The following TPCN2 variants were observed in gnomAD, a reference collection of about 807,000 sequenced individuals.
The protein encoded by TPCN2 is two pore channel protein 2.
A neutral mutation model predicts 111.4 loss-of-function variants in TPCN2; 92 were observed. That is an observed-to-expected ratio of 0.83 (90% CI 0.70 to 0.98). TPCN2 has a LOEUF of 0.98. TPCN2 is among the 50% of genes least tolerant of loss of function. The probability of loss-of-function intolerance (pLI) is 0.00; values close to 1 mark genes in which losing one functional copy is unlikely to be tolerated. For missense variants in TPCN2, 995 were observed against 980.1 expected, an observed-to-expected ratio of 1.02 and a Z score of -0.20; for synonymous variants, 405 against 414.5, an observed-to-expected ratio of 0.98 and a Z score of 0.28.
At chr11:69,084,067 T>TGGGAGGCTGGC in intron 19 of TPCN2, 51 bp downstream of exon 19, 1 of 1,586,956 alleles carries the variant, frequency 6.3e-7, no homozygotes, top group Non-Finnish European at 8.7e-7. Flanking sequence ...AGTGGGAGGC[T>TGGGAGGCTGGC]GGGAGGCTGG....
chr11:69,071,554 T>A, intron 10 of TPCN2, 134 bp downstream of exon 10: 1 of 764,224 alleles, frequency 1.3e-6, no homozygotes, highest in Non-Finnish European at 2.2e-6. Context: ...TTGCCACCTC[T>A]TGTGGATCAG....
At chr11:69,064,127 G>A (rs1278261533) in intron 7 of TPCN2, among the ~76,000 whole-genome samples, 160 bp downstream of exon 7, 4 of 152,062 alleles carry the variant, frequency 2.6e-5, no homozygotes, top group Non-Finnish European at 5.9e-5. Flanking sequence ...CCTTTGGGTG[G>A]CCACAGTGCT....
At chr11:69,052,702 G>A (rs147862660) in intron 1 of TPCN2, among the ~76,000 whole-genome samples, 1 of 152,288 alleles carries the variant, frequency 6.6e-6, no homozygotes, top group East Asian at 1.9e-4. Context: ...CAGGAGCCCC[G>A]AGGACAGGGG....
intron 22 of TPCN2, among the ~76,000 whole-genome samples, chr11:69,086,245 C>T (rs1856268016): frequency 6.6e-6 from 1 of 152,188 alleles, no homozygotes. Context: ...CGAGATAGTT[C>T]AGCTCTGAGC....
chr11:69,074,847 C>G (rs920492539), intron 13 of TPCN2, among the ~76,000 whole-genome samples: 59 of 152,186 alleles, frequency 3.9e-4, no homozygotes, highest in African/African-American at 1.4e-3. Context: ...CTGGTGTGTT[C>G]TGGGCCATCT....
intron 18 of TPCN2, among the ~76,000 whole-genome samples, chr11:69,083,532 G>T (rs1305651708): frequency 6.6e-6 from 1 of 152,168 alleles, no homozygotes; most frequent in Non-Finnish European, 1.5e-5. Context: ...CATTTCTTTG[G>T]CGTCTCCAGG....
At chr11:69,056,115 TGC>T (rs1204898356) in intron 4 of TPCN2, among the ~76,000 whole-genome samples, 2 of 152,246 alleles carry the variant, frequency 1.3e-5, no homozygotes, top group Admixed American at 1.3e-4. Flanking sequence ...ATTCCAGTGC[TGC>T]GGTCTCAGGG....
At chr11:69,085,119 C>A in intron 19 of TPCN2, 91 bp from the exon 20 acceptor site, 1 of 1,224,862 alleles carries the variant, frequency 8.2e-7, no homozygotes, top group Non-Finnish European at 1.2e-6. Context: ...GCCTCACAGT[C>A]ATCCTCTGGC....
At position 69,057,499 on chromosome 11, in the gene TPCN2, G is replaced by A; in HGVS notation, c.430-79G>A. On this transcript the variant is annotated intron_variant, in intron 4 of 24. Transcript: ENST00000294309. The stretch of plus-strand genomic sequence containing the variant: ...ACCCTGCTCTGGTCGCCTGGTCCCT[G>A]CGCTGCGCACCGTCATTCTCTGGCT... The A allele has an allele frequency of 2.2e-6, 3 of 1,358,870 alleles. No homozygotes were observed. The Admixed American group carries it at 5.0e-5, about 23-fold the overall frequency. The allele number at this position is 1,358,870 out of a possible 1,614,324, so 84.2% of individuals were successfully genotyped here. A position where few individuals can be genotyped will look rare whatever the true frequency, so the allele number is the denominator to read the frequency against.
chr11:69,059,293 C>T (rs1854916227), intron 5 of TPCN2, among the ~76,000 whole-genome samples: 1 of 152,170 alleles, frequency 6.6e-6, no homozygotes, highest in African/African-American at 2.4e-5. Context: ...CCCGCTCACC[C>T]TGCTGGCACA....
At chr11:69,049,155 GCGCGTGGGGGTCC>G in intron 1 of TPCN2, 49 bp downstream of exon 1, 3 of 1,117,452 alleles carry the variant, frequency 2.7e-6, no homozygotes, top group Non-Finnish European at 3.4e-6. Context: ...GACCAGGGTC[GCGCGTGGGGGTCC>G]CGCTGTCCCA....
At chr11:69,049,209 C>A (rs1471104745) in intron 1 of TPCN2, 103 bp downstream of exon 1, 1 of 799,420 alleles carries the variant, frequency 1.3e-6, no homozygotes, top group East Asian at 3.4e-5. Context: ...CGCGCCCCCA[C>A]CAGGTTCGAG....
At chr11:69,050,444 C>T (rs111589108) in intron 1 of TPCN2, among the ~76,000 whole-genome samples, 3 of 152,302 alleles carry the variant, frequency 2.0e-5, no homozygotes, top group East Asian at 1.9e-4. Context: ...GGCGTGATCT[C>T]GGCTCACTGC....
At chr11:69,072,367 G>A (rs1479971991) in intron 11 of TPCN2, among the ~76,000 whole-genome samples, 1 of 152,132 alleles carries the variant, frequency 6.6e-6, no homozygotes, top group Admixed American at 6.5e-5. Flanking sequence ...CATCCTGCTT[G>A]GAAATGAGGG....
At chr11:69,051,409 A>G (rs1861220858) in intron 1 of TPCN2, among the ~76,000 whole-genome samples, 1 of 152,256 alleles carries the variant, frequency 6.6e-6, no homozygotes, top group South Asian at 2.1e-4. Context: ...TAAGTCATTC[A>G]GTCTGTACTT....
chr11:69,066,093 G>A (rs2134564662), intron 7 of TPCN2, among the ~76,000 whole-genome samples: 1 of 152,268 alleles, frequency 6.6e-6, no homozygotes, highest in African/African-American at 2.4e-5. Flanking sequence ...CGTCTGTTAG[G>A]TGGTGTGCCT....
chr11:69,059,148 C>T (rs535196232), intron 5 of TPCN2, among the ~76,000 whole-genome samples: 103 of 152,306 alleles, frequency 6.8e-4, no homozygotes, highest in African/African-American at 2.4e-3. Context: ...CTGAGGGGCC[C>T]GAGTCCTTGG....
At chr11:69,057,723 TG>T (rs1352651170) in intron 5 of TPCN2, 29 bp downstream of exon 5, 1 of 1,601,144 alleles carries the variant, frequency 6.2e-7, no homozygotes, top group Admixed American at 1.7e-5. Context: ...CTGAGACAGA[TG>T]GAGAGATCTG....
chr11:69,054,927 C>T (rs1854687993), intron 3 of TPCN2, 130 bp downstream of exon 3: 2 of 957,108 alleles, frequency 2.1e-6, no homozygotes, highest in Non-Finnish European at 1.6e-6. Context: ...GGGCGGTTAC[C>T]ATCATCCTCT....
Sources: allele counts gnomAD v4.1 joint callset (sites outside exome capture counted in the v4.1 genomes callset), GRCh38; gene constraint gnomAD v4.1.1; transcripts MANE v1.5; gene names NCBI Gene and HGNC (gene_info 2026-07-23, HGNC 2026-07-21).